The following RNF157 variants were observed in gnomAD, a reference collection of about 807,000 sequenced individuals.
RNF157 encodes the protein ring finger protein 157.
RNF157 carries 55 observed loss-of-function variants against 88.3 expected under a neutral mutation model. The observed-to-expected ratio is 0.62, with a 90% CI of 0.50 to 0.78. The LOEUF (loss-of-function observed/expected upper bound fraction) is 0.78, where lower values mean the gene tolerates loss of function less well. RNF157 is among the 30% of genes least tolerant of loss of function. RNF157 has a pLI of 0.00. For missense variants in RNF157, 788 were observed against 860.8 expected, an observed-to-expected ratio of 0.92 and a Z score of 1.06; for synonymous variants, 334 against 341.2, an observed-to-expected ratio of 0.98 and a Z score of 0.23.
chr17:76,169,729 G>A (rs1332389777), intron 3 of RNF157, among the ~76,000 whole-genome samples: 5 of 151,642 alleles, frequency 3.3e-5, no homozygotes, highest in African/African-American at 9.7e-5. Flanking sequence ...ATAGGCGTGT[G>A]CCACCAGGCC....
intron 1 of RNF157, among the ~76,000 whole-genome samples, chr17:76,236,668 T>G (rs1055420293): frequency 8.5e-5 from 13 of 152,196 alleles, no homozygotes; most frequent in African/African-American, 2.9e-4. Flanking sequence ...TGCATAACAT[T>G]ATTCATTGTT....
chr17:76,228,253 C>T (rs2070128249), intron 1 of RNF157, among the ~76,000 whole-genome samples: 1 of 152,204 alleles, frequency 6.6e-6, no homozygotes, highest in Non-Finnish European at 1.5e-5. Context: ...GAAAGGCACA[C>T]ATCAATGCGT....
At position 76,195,837 on chromosome 17, in the gene RNF157, C is replaced by T. The variant is rs950623277; in HGVS notation, c.207+16527G>A. 6.6e-6 allele frequency among the ~76,000 whole-genome samples: 1 copy of T among 152,186 alleles called. No individual in the cohort carries two copies. Among genetic ancestry groups the T allele is most frequent in the Non-Finnish European group, 1.5e-5 (1 of 68,032 alleles). Reference sequence around the variant, plus strand: ...AGACTAAATTGAGCACAAGCTAAAACAGGGACTGGGCAGAAGCAGCTTTCC... The same window carrying T: ...AGACTAAATTGAGCACAAGCTAAAATAGGGACTGGGCAGAAGCAGCTTTCC... On this transcript the variant is annotated intron_variant, in intron 2 of 18. Coordinates refer to ENST00000269391, the MANE Select transcript of RNF157 (RefSeq NM_052916.3). The surrounding 1 kb of genome is among the most constrained non-coding windows in gnomAD (Gnocchi z 4.4).
chr17:76,167,546 G>C (rs2068947220), intron 4 of RNF157, 105 bp downstream of exon 4: 1 of 1,507,020 alleles, frequency 6.6e-7, no homozygotes, highest in Non-Finnish European at 9.0e-7. Context: ...GAAGGAAGTG[G>C]CTCGCCTGGT....
At chr17:76,170,071 G>C (rs1177835737) in intron 3 of RNF157, among the ~76,000 whole-genome samples, 3 of 152,174 alleles carry the variant, frequency 2.0e-5, no homozygotes, top group Admixed American at 6.5e-5. Flanking sequence ...ATCTGTTGAG[G>C]AACCTCTAAC....
In RNF157 at chr17:76,146,635, C is replaced by G; in HGVS notation, c.1922-1282G>C. On this transcript the variant is annotated intron_variant, in intron 18 of 18. Transcript: ENST00000269391. This position sits in a 1 kb window ranked among gnomAD's most constrained non-coding sequence, Gnocchi z 4.2. The stretch of plus-strand genomic sequence containing the variant: ...TGGCCGGGGGAGGCCCAGTGTGCTC[C>G]TAAGTGCTCCCTGCAGCCTGAACTA... The G allele has an allele frequency of 1.0e-6, 1 of 985,476 alleles. No homozygotes were observed. Among genetic ancestry groups the G allele is most frequent in the Non-Finnish European group, 1.2e-6 (1 of 829,928 alleles). The allele number at this position is 985,476 out of a possible 1,614,324, so 61.0% of individuals were successfully genotyped here.
intron 1 of RNF157, among the ~76,000 whole-genome samples, chr17:76,224,659 A>T (rs1018385253): frequency 6.6e-6 from 1 of 152,014 alleles, no homozygotes; most frequent in Non-Finnish European, 1.5e-5. Flanking sequence ...CACTGGAAAA[A>T]GAAGAATGGT....
rs192535224 is a variant in RNF157, at chr17:76,187,815, C to T, written c.208-14025G>A. ...GTTTTACCATGTTGGTCAGGCTGCT[C>T]TTGAACTCCTGACCTCAAATGATCT... On this transcript the variant is annotated intron_variant, in intron 2 of 18. Transcript: ENST00000269391. Among the ~76,000 whole-genome samples the T allele has an allele frequency of 1.1e-3, 167 of 152,288 alleles. 1 individual carries two copies. The highest frequency in any genetic ancestry group is 3.9e-3 in the African/African-American group (163 of 41,572).
intron 1 of RNF157, among the ~76,000 whole-genome samples, chr17:76,235,092 T>C (rs1395355436): frequency 6.6e-6 from 1 of 152,232 alleles, no homozygotes; most frequent in Non-Finnish European, 1.5e-5. Flanking sequence ...ACTTTTAAAA[T>C]AGGGTAGCGA....
In RNF157 at chr17:76,143,081, CAG is replaced by C. The variant is rs1164474783; in HGVS notation, c.*2152_*2153del. On this transcript the variant is annotated 3_prime_UTR_variant, in exon 19 of 19. Transcript: ENST00000269391. ...CCTTGGATGGAGTATTTCTGTGGGCCAGAGAGCTAAATGACAGCCAAGAGAAG... is the reference window on the plus strand; with the variant it reads ...CCTTGGATGGAGTATTTCTGTGGGCCAGAGCTAAATGACAGCCAAGAGAAG... 1 of 152,284 alleles carries C rather than the reference CAG, an allele frequency of 6.6e-6. No individual in the cohort carries two copies. Among genetic ancestry groups the C allele is most frequent in the East Asian group, 1.9e-4 (1 of 5,198 alleles). 9.4% of individuals were successfully genotyped at this position (152,284 alleles called of 1,614,324 possible). A position where few individuals can be genotyped will look rare whatever the true frequency, so the allele number is the denominator to read the frequency against.
intron 2 of RNF157, among the ~76,000 whole-genome samples, chr17:76,180,921 C>T (rs1333410467): frequency 6.6e-6 from 1 of 152,198 alleles, no homozygotes; most frequent in African/African-American, 2.4e-5. Context: ...CTCTCACCAG[C>T]CTGTAAGTTC....
At chr17:76,190,453 C>T (rs1447393707) in intron 2 of RNF157, among the ~76,000 whole-genome samples, 1 of 151,966 alleles carries the variant, frequency 6.6e-6, no homozygotes, top group East Asian at 1.9e-4. Flanking sequence ...AGGTGTGAGC[C>T]ACTGTGCTTG....
At chr17:76,229,757 A>C (rs909840771) in intron 1 of RNF157, among the ~76,000 whole-genome samples, 2 of 152,224 alleles carry the variant, frequency 1.3e-5, no homozygotes, top group African/African-American at 4.8e-5. Flanking sequence ...TGGCACACTA[A>C]GGGTACGTAT....
rs193183881 is a variant in RNF157, at chr17:76,219,386, T to C, written c.89-6904A>G. Among the ~76,000 whole-genome samples the C allele has an allele frequency of 3.0e-3, 460 of 152,012 alleles. 1 individual carries two copies. Among genetic ancestry groups the C allele is most frequent in the African/African-American group, 0.01 (434 of 41,518 alleles). Reference sequence around the variant, plus strand: ...CAAACATATCAATCATATCAATAAATACAAATAGGCTTAATTTATATTATG... The same window carrying C: ...CAAACATATCAATCATATCAATAAACACAAATAGGCTTAATTTATATTATG... On this transcript the variant is annotated intron_variant, in intron 1 of 18. Transcript: ENST00000269391.
chr17:76,203,860 C>T (rs142086697), intron 2 of RNF157, among the ~76,000 whole-genome samples: 5,705 of 150,910 alleles, frequency 0.038, 369 homozygotes, highest in African/African-American at 0.13. Flanking sequence ...CTCCGCCACC[C>T]GGGTTCACGC....
At chr17:76,164,659 TAAAA>T (rs1316810758) in intron 8 of RNF157, 85 bp downstream of exon 8, 1 of 649,820 alleles carries the variant, frequency 1.5e-6, no homozygotes, top group Non-Finnish European at 2.3e-6. Context: ...AAAACAAAAA[TAAAA>T]AAAGAGGGAG....
chr17:76,175,741 C>T (rs2069092350), intron 2 of RNF157: 1 of 984,716 alleles, frequency 1.0e-6, no homozygotes, highest in Non-Finnish European at 1.2e-6. Context: ...TTATCCATAA[C>T]TCCTACCTGC....
chr17:76,150,824 G>A (rs888189153), intron 18 of RNF157, among the ~76,000 whole-genome samples: 12 of 152,236 alleles, frequency 7.9e-5, no homozygotes, highest in African/African-American at 1.4e-4. Context: ...ACAGCCCCAC[G>A]CGAGCGCCTC....
intron 2 of RNF157, among the ~76,000 whole-genome samples, chr17:76,192,306 T>A (rs987891726): frequency 3.9e-5 from 6 of 152,356 alleles, no homozygotes; most frequent in Middle Eastern, 3.4e-3. Flanking sequence ...ATTTACATTA[T>A]AAAGTTCCTT....
Sources: allele counts gnomAD v4.1 joint callset (sites outside exome capture counted in the v4.1 genomes callset), GRCh38; gene constraint gnomAD v4.1.1; non-coding constraint Gnocchi (gnomAD v3.1); transcripts MANE v1.5; gene names NCBI Gene and HGNC (gene_info 2026-07-23, HGNC 2026-07-21).